Variants in LRP3 observed in about 807,000 individuals in gnomAD.
LRP3 encodes the protein LDL receptor related protein 3.
Under a neutral mutation model 58.5 loss-of-function variants are expected in LRP3, and 49 were observed. The observed-to-expected ratio is 0.84, with a 90% CI of 0.67 to 1.06. The LOEUF is 1.06. Among genes scored for constraint, LRP3 ranks in the 50% least tolerant of loss-of-function variants. The pLI, the probability that LRP3 is intolerant of heterozygous loss-of-function variation, is 0.00. For missense variants in LRP3, 1,019 were observed against 1,134.2 expected, an observed-to-expected ratio of 0.90 and a Z score of 1.46; for synonymous variants, 485 against 492.2, an observed-to-expected ratio of 0.99 and a Z score of 0.20.
intron 2 of LRP3, among the ~76,000 whole-genome samples, chr19:33,199,177 C>T (rs1187842104): frequency 6.6e-6 from 1 of 152,200 alleles, no homozygotes; most frequent in Non-Finnish European, 1.5e-5. Context: ...GTCCTCCCAT[C>T]TGCCCTCACT....
chr19:33,206,763 C>T (rs539192190), intron 6 of LRP3, 30 bp downstream of exon 6: 43 of 1,503,242 alleles, frequency 2.9e-5, no homozygotes, highest in Admixed American at 1.2e-4. Context: ...GAGGCCCCTC[C>T]GGGGCCACTT....
chr19:33,204,324 A>T (rs912772175), intron 3 of LRP3: 2 of 369,520 alleles, frequency 5.4e-6, no homozygotes, highest in Non-Finnish European at 9.9e-6. Context: ...TTCCTGCTCC[A>T]CTTCGGCTTC....
rs1386536758 is a variant in LRP3 at position 33,208,628 on chromosome 19, C to T, written c.*1053C>T. The T allele has an allele frequency of 1.1e-5, 6 of 536,084 alleles. No homozygotes were observed. Among genetic ancestry groups the T allele is most frequent in the Non-Finnish European group, 1.0e-5 (3 of 300,672 alleles). 33.2% of individuals were successfully genotyped at this position (536,084 alleles called of 1,614,324 possible). ...CACCGAGGTACGCCCCAGCCACTCC[C>T]ATCTGTGCCCATCAGGGACTCCCCA... On this transcript the variant is annotated 3_prime_UTR_variant, in exon 7 of 7. Transcript: ENST00000253193. This position sits in a 1 kb window ranked among gnomAD's most constrained non-coding sequence, Gnocchi z 4.7.
chr19:33,202,388 A>G (rs1387481779), intron 2 of LRP3, among the ~76,000 whole-genome samples: 2 of 152,214 alleles, frequency 1.3e-5, no homozygotes, highest in African/African-American at 4.8e-5. Context: ...GGCATGTAGT[A>G]GGTGCTCAGT....
intron 3 of LRP3, among the ~76,000 whole-genome samples, chr19:33,203,385 G>A (rs747527116): frequency 1.3e-5 from 2 of 152,158 alleles, no homozygotes; most frequent in Non-Finnish European, 2.9e-5. Context: ...AGCCCATGTC[G>A]GAGAAGACAT....
chr19:33,202,555 T>G (rs899624333), intron 2 of LRP3, among the ~76,000 whole-genome samples: 4 of 152,148 alleles, frequency 2.6e-5, no homozygotes, highest in African/African-American at 9.7e-5. Flanking sequence ...GGACGGGTTG[T>G]TGGTGGGTTT....
Position 33,194,860 on chromosome 19 carries a change from T to C in LRP3, c.73+2T>C. 1 of 1,070,394 alleles carries C rather than the reference T, an allele frequency of 9.3e-7. No individual in the cohort carries two copies. Among genetic ancestry groups the C allele is most frequent in the African/African-American group, 1.7e-5 (1 of 58,188 alleles). The allele number at this position is 1,070,394 out of a possible 1,614,324, so 66.3% of individuals were successfully genotyped here. Reference sequence around the variant, plus strand: ...CGCAGCTGGCCGTCGTCTGTCTGGGTGAGTGGGCCGCGCGGGCCGGGCAGG... The same window carrying C: ...CGCAGCTGGCCGTCGTCTGTCTGGGCGAGTGGGCCGCGCGGGCCGGGCAGG... On this transcript the variant is annotated splice_donor_variant, in intron 1 of 6. Transcript: ENST00000253193. LOFTEE classifies it high-confidence loss of function.
At chr19:33,206,784 G>T in intron 6 of LRP3, 51 bp downstream of exon 6, 1 of 1,488,154 alleles carries the variant, frequency 6.7e-7, no homozygotes. Context: ...GGGACAGTGT[G>T]CGGAGGAGGC....
chr19:33,202,589 G>A (rs539807303), intron 2 of LRP3, among the ~76,000 whole-genome samples: 7 of 152,286 alleles, frequency 4.6e-5, no homozygotes, highest in Admixed American at 6.5e-5. Flanking sequence ...CCAGAGATGC[G>A]GGGGACAGGA....
Position 33,206,040 on chromosome 19 carries a change from G to A in LRP3, c.1270G>A (p.Glu424Lys), listed in dbSNP as rs972506749. 45 of 1,596,504 alleles carry A rather than the reference G, an allele frequency of 2.8e-5. No individual in the cohort carries two copies. The highest frequency in any genetic ancestry group is 3.5e-5 in the Admixed American group (2 of 57,556). The change falls in exon 5 of 7, where the codon GAG (glutamate) becomes AAG (lysine). Residue 424 changes from glutamate (E) to lysine (K), a missense_variant. Coordinates refer to ENST00000253193, the MANE Select transcript of LRP3 (RefSeq NM_002333.4). ...CTGCCCGCCCGACCAGTACCCCTGC[G>A]AGGGTGGCAGTGGTCTGTGCTACAC... ...PACPPDQYPC[E>K]GGSGLCYTPA...
intron 4 of LRP3, 153 bp downstream of exon 4, chr19:33,205,005 T>C (rs974680075): frequency 2.6e-5 from 20 of 783,036 alleles, no homozygotes; most frequent in African/African-American, 2.4e-4. Context: ...GTGGCAGGAC[T>C]GGGCATGCGG....
intron 3 of LRP3, among the ~76,000 whole-genome samples, chr19:33,203,275 A>G (rs1389824151): frequency 6.6e-6 from 1 of 151,496 alleles, no homozygotes; most frequent in African/African-American, 2.4e-5. Flanking sequence ...TTGAGCAGGT[A>G]TGTGGTGTGT....
chr19:33,207,718 T>G lies in LRP3; in HGVS notation c.*143T>G. 1 of 647,414 alleles carries G rather than the reference T, an allele frequency of 1.5e-6. No individual in the cohort carries two copies. The highest frequency in any genetic ancestry group is 1.9e-5 in the South Asian group (1 of 53,116). The allele number at this position is 647,414 out of a possible 1,614,324, so 40.1% of individuals were successfully genotyped here. On this transcript the variant is annotated 3_prime_UTR_variant, in exon 7 of 7. Transcript: ENST00000253193. The stretch of plus-strand genomic sequence containing the variant: ...GGGGCTGGCCCCTAAGCCAGCTGGC[T>G]GCACTGGTGGGCGGGAGCTGTGGGA...
Position 33,208,836 on chromosome 19 carries a change from C to G in LRP3, c.*1261C>G. 6.2e-7 allele frequency: 1 copy of G among 1,611,968 alleles called. No individual in the cohort carries two copies. Among genetic ancestry groups the G allele is most frequent in the Non-Finnish European group, 8.5e-7 (1 of 1,179,022 alleles). On this transcript the variant is annotated 3_prime_UTR_variant, in exon 7 of 7. Transcript: ENST00000253193. The surrounding 1 kb of genome is among the most constrained non-coding windows in gnomAD (Gnocchi z 4.7). ...AAACAAAACTTTTTTGCCAAAACACCTCCTCAATAAACAACATGTAAACAG... is the reference window on the plus strand; with the variant it reads ...AAACAAAACTTTTTTGCCAAAACACGTCCTCAATAAACAACATGTAAACAG...
At position 33,202,878 on chromosome 19, in the gene LRP3, C is replaced by T. The variant is rs143479221; in HGVS notation, c.152C>T (p.Thr51Met). The change falls in exon 3 of 7, where the codon ACG (threonine) becomes ATG (methionine). Residue 51 changes from threonine (T) to methionine (M), a missense_variant. Coordinates refer to ENST00000253193, the MANE Select transcript of LRP3 (RefSeq NM_002333.4). ...TGCAGTGGGAAGCTGGAGCAGCACA[C>T]GGAGCGGCGTGGGGTCATCTACAGC... The part of the protein sequence containing the change: ...AACSGKLEQH[T>M]ERRGVIYSPA... 88 of 1,610,918 alleles carry T rather than the reference C, an allele frequency of 5.5e-5. No individual in the cohort carries two copies. Among genetic ancestry groups the T allele is most frequent in the Admixed American group, 4.2e-4 (25 of 59,704 alleles).
In LRP3 at chr19:33,194,773, G is replaced by T. The variant is rs1334890922; in HGVS notation, c.-13G>T. 31 of 977,564 alleles carry T rather than the reference G, an allele frequency of 3.2e-5. No homozygotes were observed. Among genetic ancestry groups the T allele is most frequent in the Non-Finnish European group, 3.8e-5 (31 of 820,694 alleles). 60.6% of individuals were successfully genotyped at this position (977,564 alleles called of 1,614,324 possible). ...GGGGCAGGAGGCGGCGCCCGCGGGC[G>T]GCCGGGCCCGGCATGGAGAAGCGCG... is the stretch of plus-strand genomic sequence containing the variant. On this transcript the variant is annotated 5_prime_UTR_variant, in exon 1 of 7. Coordinates refer to ENST00000253193, the MANE Select transcript of LRP3 (RefSeq NM_002333.4).
At chr19:33,204,360 T>G in intron 3 of LRP3, 1 of 510,370 alleles carries the variant, frequency 2.0e-6, no homozygotes, top group Non-Finnish European at 3.5e-6. Flanking sequence ...TGTGCACTGA[T>G]GGAGGGAAGG....
rs777139441 is a variant in LRP3, at chr19:33,206,154, T to C, written c.1384T>C (p.Cys462Arg). Residue 462 changes from cysteine to arginine, a missense_variant, in exon 5 of 7, where the codon TGC becomes CGC. Coordinates refer to ENST00000253193, the MANE Select transcript of LRP3 (RefSeq NM_002333.4). Reference protein sequence around the residue: ...CFSCQPGTFHCGTNLCIFETW... With the variant: ...CFSCQPGTFHRGTNLCIFETW... ...CTCCTGCCAGCCCGGCACCTTCCAC[T>C]GCGGTACCAACCTGTGCATCTTCGA... 4 of 1,605,832 alleles carry C rather than the reference T, an allele frequency of 2.5e-6. No individual in the cohort carries two copies. Among genetic ancestry groups the C allele is most frequent in the Non-Finnish European group, 3.4e-6 (4 of 1,177,630 alleles).
intron 2 of LRP3, among the ~76,000 whole-genome samples, chr19:33,201,159 CT>C (rs1025429547): frequency 1.3e-5 from 2 of 152,224 alleles, no homozygotes; most frequent in African/African-American, 4.8e-5. Flanking sequence ...CCCTACCTGC[CT>C]GTGTGATGTT....
Sources: gnomAD v4.1 joint callset for allele counts (sites outside exome capture counted in the v4.1 genomes callset) on GRCh38, gnomAD v4.1.1 for gene constraint, Gnocchi (gnomAD v3.1) non-coding constraint, MANE v1.5 for transcripts, NCBI Gene and HGNC (gene_info 2026-07-23, HGNC 2026-07-21) for gene names.